Variants in GPR141 observed in about 807,000 individuals in gnomAD.
GPR141 encodes the protein probable G protein-coupled receptor 141.
GPR141 carries 6 observed loss-of-function variants against 6.8 expected under a neutral mutation model. That is an observed-to-expected ratio of 0.88 (90% CI 0.48 to 1.74). GPR141 has a LOEUF of 1.74. Among genes scored for constraint, GPR141 ranks in the 40% most tolerant of loss-of-function variants. GPR141 has a pLI of 0.01. For synonymous variants in GPR141, 140 were observed against 142.3 expected (o/e 0.98, Z 0.11); for missense variants, 372 against 372.9 (o/e 1.00, Z 0.02).
At chr7:37,726,563 A>G (rs1412913394) in intron 2 of GPR141, among the ~76,000 whole-genome samples, 2 of 152,114 alleles carry the variant, frequency 1.3e-5, no homozygotes, top group Non-Finnish European at 2.9e-5. Context: ...CTCCAATATA[A>G]CCTTCACCCA....
chr7:37,694,761 T>G (rs536760206), intron 2 of GPR141, among the ~76,000 whole-genome samples: 7 of 152,294 alleles, frequency 4.6e-5, no homozygotes, highest in African/African-American at 1.7e-4. Context: ...AAGAATTCAC[T>G]TATTACCATG....
In GPR141 at chr7:37,720,759, G is replaced by A. The variant is rs750057811; in HGVS notation, c.-14-19621G>A. Among the ~76,000 whole-genome samples, 337 of 150,612 alleles carry A rather than the reference G, an allele frequency of 2.2e-3. 1 individual carries two copies. Among genetic ancestry groups the A allele is most frequent in the Non-Finnish European group, 3.8e-3 (255 of 67,690 alleles). On this transcript the variant is annotated intron_variant, in intron 2 of 2. Transcript: ENST00000334425. ...GTCTCAAAAAAAAAAAAAAAAAAGA[G>A]AAATTAAGAAAAGGGTTCAGAACCC...
intron 2 of GPR141, among the ~76,000 whole-genome samples, chr7:37,712,946 A>G (rs1353798788): frequency 6.6e-6 from 1 of 152,154 alleles, no homozygotes; most frequent in Non-Finnish European, 1.5e-5. Flanking sequence ...ATGTGTCTTC[A>G]TCTTCCTCTT....
chr7:37,729,963 T>C (rs1811836844), intron 2 of GPR141: 1 of 152,186 alleles, frequency 6.6e-6, no homozygotes, highest in African/African-American at 2.4e-5. Context: ...TATTGGAGAA[T>C]CAACTGAGAA....
intron 2 of GPR141, among the ~76,000 whole-genome samples, chr7:37,731,035 G>A (rs1390429687): frequency 1.3e-5 from 2 of 152,168 alleles, no homozygotes; most frequent in Non-Finnish European, 2.9e-5. Context: ...TACTTTGGCT[G>A]AATTGATGTT....
At chr7:37,731,818 C>G (rs924266915) in intron 2 of GPR141, among the ~76,000 whole-genome samples, 12 of 152,076 alleles carry the variant, frequency 7.9e-5, no homozygotes, top group African/African-American at 2.9e-4. Context: ...TCCTTTCTTA[C>G]TAAATGTGAA....
intron 2 of GPR141, among the ~76,000 whole-genome samples, chr7:37,726,635 T>C (rs1227081226): frequency 6.6e-6 from 1 of 152,240 alleles, no homozygotes; most frequent in African/African-American, 2.4e-5. Context: ...CATATTGTAA[T>C]TTTTTGGATT....
chr7:37,720,766 A>C (rs541874068), intron 2 of GPR141, among the ~76,000 whole-genome samples: 220 of 152,118 alleles, frequency 1.4e-3, no homozygotes, highest in African/African-American at 5.2e-3. Context: ...AGAGAAATTA[A>C]GAAAAGGGTT....
intron 2 of GPR141, among the ~76,000 whole-genome samples, chr7:37,708,636 C>A (rs779621089): frequency 1.3e-5 from 2 of 152,102 alleles, no homozygotes; most frequent in Non-Finnish European, 2.9e-5. Context: ...AGAGGGAAAT[C>A]AGGGTGACAT....
intron 1 of GPR141, among the ~76,000 whole-genome samples, chr7:37,684,275 T>C (rs1202598569): frequency 6.6e-6 from 1 of 152,222 alleles, no homozygotes; most frequent in Non-Finnish European, 1.5e-5. Context: ...CCTTTTGTTA[T>C]GAAAATCCTT....
intron 2 of GPR141, among the ~76,000 whole-genome samples, chr7:37,726,269 T>C (rs1189988936): frequency 1.3e-5 from 2 of 152,142 alleles, no homozygotes; most frequent in African/African-American, 4.8e-5. Context: ...TGAGAAGCCA[T>C]TGGAGGATTG....
chr7:37,732,295 C>G (rs1184438418), intron 2 of GPR141, among the ~76,000 whole-genome samples: 4 of 145,982 alleles, frequency 2.7e-5, no homozygotes, highest in Non-Finnish European at 6.0e-5. Context: ...TGGCAAAAAC[C>G]GCAATTACTT....
At chr7:37,712,520 C>A (rs564989350) in intron 2 of GPR141, among the ~76,000 whole-genome samples, 1 of 152,274 alleles carries the variant, frequency 6.6e-6, no homozygotes, top group South Asian at 2.1e-4. Flanking sequence ...CCTCACACTA[C>A]CTGCCCCTCT....
chr7:37,685,752 CTTTTT>C (rs35789715), intron 2 of GPR141, among the ~76,000 whole-genome samples, 169 bp downstream of exon 2: 4 of 113,150 alleles, frequency 3.5e-5, no homozygotes, highest in East Asian at 5.0e-4. Context: ...CCTGGCAGCA[CTTTTT>C]TTTTTTTTTT....
chr7:37,691,068 C>T (rs1295081669), intron 2 of GPR141, among the ~76,000 whole-genome samples: 2 of 151,938 alleles, frequency 1.3e-5, no homozygotes, highest in East Asian at 1.9e-4. Context: ...GTATGATGAC[C>T]TTCTTTGTAT....
intron 2 of GPR141, among the ~76,000 whole-genome samples, chr7:37,728,393 T>C (rs527558766): frequency 1.3e-5 from 2 of 152,356 alleles, no homozygotes; most frequent in East Asian, 3.9e-4. Context: ...AAGTAGGTTA[T>C]ACTTGTTTGT....
intron 2 of GPR141, among the ~76,000 whole-genome samples, chr7:37,715,107 A>T (rs1055362962): frequency 1.3e-5 from 2 of 152,024 alleles, no homozygotes; most frequent in African/African-American, 4.8e-5. Context: ...AAAGTTTTTT[A>T]TTTATTATTT....
intron 2 of GPR141, among the ~76,000 whole-genome samples, chr7:37,737,789 T>C (rs1331459242): frequency 6.6e-6 from 1 of 152,090 alleles, no homozygotes; most frequent in Non-Finnish European, 1.5e-5. Context: ...CTAAGGCACA[T>C]ACAAGCACTC....
chr7:37,690,704 G>A (rs770611799), intron 2 of GPR141, among the ~76,000 whole-genome samples: 5 of 151,808 alleles, frequency 3.3e-5, no homozygotes, highest in Non-Finnish European at 7.4e-5. Context: ...TTTTAAATGT[G>A]TTGAGGATTG....
Sources: gnomAD v4.1 joint callset for allele counts (sites outside exome capture counted in the v4.1 genomes callset) on GRCh38, gnomAD v4.1.1 for gene constraint, MANE v1.5 for transcripts, NCBI Gene and HGNC (gene_info 2026-07-23, HGNC 2026-07-21) for gene names.